Variants in KAT2B observed in about 807,000 individuals in gnomAD.
KAT2B encodes the protein lysine acetyltransferase 2B.
In KAT2B, 36 loss-of-function variants were observed where a neutral mutation model predicts 105.9. That is an observed-to-expected ratio of 0.34 (90% confidence interval 0.26 to 0.45). The LOEUF is 0.45. Among genes scored for constraint, KAT2B ranks in the 20% least tolerant of loss-of-function variants. The pLI is 1.00. For synonymous variants in KAT2B, 397 were observed against 377.9 expected (o/e 1.05, Z -0.59); for missense variants, 820 against 1,021.6 (o/e 0.80, Z 2.69).
At chr3:20,065,525 T>G (rs1018459797) in intron 1 of KAT2B, among the ~76,000 whole-genome samples, 10 of 152,124 alleles carry the variant, frequency 6.6e-5, no homozygotes, top group African/African-American at 2.4e-4. Context: ...CTCAGAAAAC[T>G]TGGCAGAAAA....
chr3:20,085,440 CA>C (rs1324924083), intron 2 of KAT2B, among the ~76,000 whole-genome samples: 2 of 151,818 alleles, frequency 1.3e-5, no homozygotes, highest in Non-Finnish European at 2.9e-5. Context: ...TATAGTCAAA[CA>C]GCAAATAATA....
intron 5 of KAT2B, among the ~76,000 whole-genome samples, chr3:20,106,795 G>A (rs1344699449): frequency 6.6e-6 from 1 of 150,664 alleles, no homozygotes; most frequent in Admixed American, 6.7e-5. Flanking sequence ...AGCCTTAGAC[G>A]TTTGCAGATC....
chr3:20,129,172 AT>A (rs1699465032), intron 11 of KAT2B, among the ~76,000 whole-genome samples: 2 of 152,210 alleles, frequency 1.3e-5, no homozygotes, highest in South Asian at 4.1e-4. Context: ...ATATGAGGTT[AT>A]AAAAGCACAC....
At chr3:20,136,071 A>T (rs1163288134) in intron 11 of KAT2B, among the ~76,000 whole-genome samples, 1 of 152,148 alleles carries the variant, frequency 6.6e-6, no homozygotes, top group Non-Finnish European at 1.5e-5. Flanking sequence ...ACTTCCAAAG[A>T]TCCTTCTGAC....
At position 20,122,678 on chromosome 3, in the gene KAT2B, G is replaced by A; in HGVS notation, c.1287G>A (p.Arg429=). ...SGLEANPGEK[R]KMTDSHVLEE... ...TTTTGATCATCATAGGAGAAAAGAG[G>A]AAAATGACTGATTCTCATGTTCTGG... The change falls in exon 9 of 18, where the codon AGG becomes AGA. Residue 429 remains arginine, a synonymous_variant. Transcript: ENST00000263754. 2 of 1,613,418 alleles carry A rather than the reference G, an allele frequency of 1.2e-6. No homozygotes were observed. Among genetic ancestry groups the A allele is most frequent in the Non-Finnish European group, 1.7e-6 (2 of 1,179,610 alleles).
intron 12 of KAT2B, among the ~76,000 whole-genome samples, chr3:20,138,891 TTTTG>T (rs889794363): frequency 3.9e-5 from 6 of 152,130 alleles, no homozygotes; most frequent in Admixed American, 2.0e-4. Flanking sequence ...TTGGTTTGGA[TTTTG>T]TTTGTTTGTT....
chr3:20,135,192 A>G (rs1699579251), intron 11 of KAT2B, among the ~76,000 whole-genome samples: 1 of 152,252 alleles, frequency 6.6e-6, no homozygotes, highest in African/African-American at 2.4e-5. Context: ...TGTTTGGGAA[A>G]AGTTAAAAGC....
rs10558647 is a variant in KAT2B, at chr3:20,118,328, T to TTGTGTG, written c.1151-1244_1151-1239dup. 3.0e-3 allele frequency among the ~76,000 whole-genome samples: 412 copies of TTGTGTG among 139,182 alleles called. 1 individual carries two copies. Among genetic ancestry groups the TTGTGTG allele is most frequent in the Middle Eastern group, 0.011 (3 of 268 alleles). The allele number at this position is 139,182 out of a possible 152,430, so 91.3% of individuals were successfully genotyped here. A position where few individuals can be genotyped will look rare whatever the true frequency, so the allele number is the denominator to read the frequency against. On this transcript the variant is annotated intron_variant, in intron 7 of 17. Transcript: ENST00000263754. ...TAGGTATATATATTTTCTCCTAAATTTGTGTGTGTGTGTGTGTGTGTGTGT... is the reference window on the plus strand; with the variant it reads ...TAGGTATATATATTTTCTCCTAAATTTGTGTGTGTGTGTGTGTGTGTGTGTGTGTGT...
intron 2 of KAT2B, among the ~76,000 whole-genome samples, chr3:20,089,454 G>T (rs1184347141): frequency 7.0e-6 from 1 of 143,534 alleles, no homozygotes; most frequent in East Asian, 2.1e-4. Flanking sequence ...AAACTGGAGT[G>T]CAATGGCGCA....
chr3:20,061,986 TA>T (rs1698116552), intron 1 of KAT2B, among the ~76,000 whole-genome samples: 1 of 74,740 alleles, frequency 1.3e-5, no homozygotes, highest in African/African-American at 4.7e-5. Context: ...ATATAAAACA[TA>T]TAATATATAA....
intron 1 of KAT2B, among the ~76,000 whole-genome samples, chr3:20,054,123 T>C (rs1263968822): frequency 6.6e-6 from 1 of 151,518 alleles, no homozygotes; most frequent in Admixed American, 6.6e-5. Flanking sequence ...TTTGTTTTTG[T>C]TTTTTGTTTT....
At chr3:20,104,331 A>G (rs956673714) in intron 5 of KAT2B, among the ~76,000 whole-genome samples, 8 of 152,190 alleles carry the variant, frequency 5.3e-5, no homozygotes, top group Non-Finnish European at 8.8e-5. Flanking sequence ...TTAATAATAA[A>G]TAAGGAAATG....
chr3:20,110,706 GA>G (rs1442767406), intron 5 of KAT2B, among the ~76,000 whole-genome samples: 1 of 146,140 alleles, frequency 6.8e-6, no homozygotes, highest in Non-Finnish European at 1.5e-5. Flanking sequence ...GAAAAAGAAA[GA>G]AAAAGAGGTT....
intron 3 of KAT2B, among the ~76,000 whole-genome samples, chr3:20,096,285 A>G (rs1698809531): frequency 6.6e-6 from 1 of 152,146 alleles, no homozygotes; most frequent in Non-Finnish European, 1.5e-5. Context: ...CCTCTTCACT[A>G]GTTCTACCTC....
chr3:20,143,496 T>G (rs912979656), intron 13 of KAT2B, among the ~76,000 whole-genome samples: 6 of 152,174 alleles, frequency 3.9e-5, no homozygotes, highest in African/African-American at 1.4e-4. Flanking sequence ...GAATTAAAAA[T>G]AGAATTACCA....
At chr3:20,051,839 T>C (rs1697920968) in intron 1 of KAT2B, among the ~76,000 whole-genome samples, 1 of 152,274 alleles carries the variant, frequency 6.6e-6, no homozygotes, top group African/African-American at 2.4e-5. Context: ...AATTGGTATA[T>C]TTAACAAAAT....
intron 9 of KAT2B, among the ~76,000 whole-genome samples, chr3:20,125,300 G>A (rs1224772745): frequency 4.5e-5 from 5 of 111,210 alleles, no homozygotes; most frequent in African/African-American, 1.7e-4. Context: ...GCGAGACTCC[G>A]TCTCAGAAAA....
At chr3:20,073,178 AC>A (rs201047416) in intron 2 of KAT2B, among the ~76,000 whole-genome samples, 623 of 152,302 alleles carry the variant, frequency 4.1e-3, no homozygotes, top group African/African-American at 0.013. Context: ...TTTCCTAGAT[AC>A]TAAAATTTCA....
At chr3:20,112,766 T>C (rs1699143660) in intron 6 of KAT2B, among the ~76,000 whole-genome samples, 2 of 152,200 alleles carry the variant, frequency 1.3e-5, no homozygotes, top group South Asian at 4.1e-4. Flanking sequence ...TGATCAAAGA[T>C]TGATGAAACA....
Sources: allele counts gnomAD v4.1 joint callset (sites outside exome capture counted in the v4.1 genomes callset), GRCh38; gene constraint gnomAD v4.1.1; transcripts MANE v1.5; gene names NCBI Gene and HGNC (gene_info 2026-07-23, HGNC 2026-07-21).